Variants in C11orf54 observed in about 807,000 individuals in gnomAD.
C11orf54 encodes beta-keto-L-gulonate decarboxylase, also known as beta-keto L-gulonate decarboxylase.
Under a neutral mutation model 35.5 loss-of-function variants are expected in C11orf54, and 29 were observed. That is an observed-to-expected ratio of 0.82 (90% CI 0.61 to 1.11). The LOEUF is 1.11. Among genes scored for constraint, C11orf54 ranks in the 50% most tolerant of loss-of-function variants. The pLI, the probability that C11orf54 is intolerant of heterozygous loss-of-function variation, is 0.00. For synonymous variants in C11orf54, 108 were observed against 121.1 expected, an observed-to-expected ratio of 0.89 and a Z score of 0.71; for missense variants, 373 against 369.2, an observed-to-expected ratio of 1.01 and a Z score of -0.08.
At chr11:93,755,166 T>G (rs776031530) in intron 5 of C11orf54, 44 bp from the exon 6 acceptor site, 11 of 1,567,538 alleles carry the variant, frequency 7.0e-6, no homozygotes, top group Non-Finnish European at 7.0e-6. Flanking sequence ...ATATTCTCTT[T>G]GCAGAGATAC....
rs74467462 is a variant in C11orf54, at chr11:93,761,989, A to G, written c.*301A>G. 1,139 of 172,960 alleles carry G rather than the reference A, an allele frequency of 6.6e-3. 52 individuals carry two copies. In the East Asian group the frequency reaches 0.12, roughly 19 times the overall value. The allele number at this position is 172,960 out of a possible 1,614,324, so 10.7% of individuals were successfully genotyped here. A position where few individuals can be genotyped will look rare whatever the true frequency, so the allele number is the denominator to read the frequency against. ...TCATATGAAAGAACATATTGATAGTATATTCTATATTATTTCATAGATCTG... is the reference window on the plus strand; with the variant it reads ...TCATATGAAAGAACATATTGATAGTGTATTCTATATTATTTCATAGATCTG... On this transcript the variant is annotated 3_prime_UTR_variant, in exon 9 of 9. Coordinates refer to ENST00000354421, the MANE Select transcript of C11orf54 (RefSeq NM_001286069.2).
intron 2 of C11orf54, among the ~76,000 whole-genome samples, 178 bp from the exon 3 acceptor site, chr11:93,750,168 G>A (rs962076291): frequency 6.6e-6 from 1 of 152,112 alleles, no homozygotes; most frequent in African/African-American, 2.4e-5. Flanking sequence ...CTTAGTCTAC[G>A]TTGTATCTTG....
At position 93,759,806 on chromosome 11, in the gene C11orf54, AT is replaced by A; in HGVS notation, c.723del (p.Tyr241Ter). 6.2e-7 allele frequency: 1 copy of A among 1,611,140 alleles called. No homozygotes were observed. Among genetic ancestry groups the A allele is most frequent in the Non-Finnish European group, 8.5e-7 (1 of 1,178,072 alleles). Reference sequence around the variant, plus strand: ...GAAGTGAATAAATGGTTGCATTTTTATGAAATGAAAGCTCCTTTGGTTTGTC... The same window carrying A: ...GAAGTGAATAAATGGTTGCATTTTTAGAAATGAAAGCTCCTTTGGTTTGTC... ...DEEVNKWLHF[Y>X]EMKAPLVCLP... On this transcript the variant is annotated frameshift_variant, in exon 8 of 9. Transcript: ENST00000354421. LOFTEE classifies it high-confidence loss of function.
intron 2 of C11orf54, among the ~76,000 whole-genome samples, chr11:93,749,392 G>A (rs1159390911): frequency 4.0e-5 from 6 of 150,058 alleles, no homozygotes; most frequent in African/African-American, 1.2e-4. Context: ...TGAGGTGGGA[G>A]GATTACTTGA....
At chr11:93,755,491 C>T (rs1055433391) in intron 6 of C11orf54, 105 bp downstream of exon 6, 12 of 1,338,254 alleles carry the variant, frequency 9.0e-6, no homozygotes, top group Middle Eastern at 2.4e-4. Context: ...AATTAGTTTC[C>T]CACTTTGGGA....
intron 6 of C11orf54, among the ~76,000 whole-genome samples, chr11:93,756,268 G>C (rs547311898): frequency 6.7e-6 from 1 of 148,218 alleles, no homozygotes; most frequent in Non-Finnish European, 1.5e-5. Flanking sequence ...ATCACTTAAG[G>C]CTGGCAGTTT....
intron 6 of C11orf54, among the ~76,000 whole-genome samples, chr11:93,756,723 AC>A (rs1231178851): frequency 6.6e-6 from 1 of 152,180 alleles, no homozygotes; most frequent in Non-Finnish European, 1.5e-5. Context: ...AGTAAGGAAA[AC>A]TAATGCCTTA....
intron 6 of C11orf54, 81 bp downstream of exon 6, chr11:93,755,467 G>T: frequency 6.8e-7 from 1 of 1,468,098 alleles, no homozygotes; most frequent in South Asian, 1.3e-5. Context: ...CCATAAATAT[G>T]GTTTTGCTAA....
chr11:93,750,376 C>T lies in C11orf54; in HGVS notation c.86C>T (p.Ala29Val), dbSNP rs1942751344. 1 of 1,613,706 alleles carries T rather than the reference C, an allele frequency of 6.2e-7. No individual in the cohort carries two copies. The highest frequency in any genetic ancestry group is 2.2e-5 in the East Asian group (1 of 44,814). The change falls in exon 3 of 9, where the codon GCT becomes GTT. Residue 29 changes from alanine (A) to valine (V), a missense_variant. By Grantham distance (64) the Ala-to-Val change is moderately conservative. Coordinates refer to ENST00000354421, the MANE Select transcript of C11orf54 (RefSeq NM_001286069.2). ...VMQKGLKDNF[A>V]DVQVSVVDCP... is the part of the protein sequence containing the mutation. ...CAGAAGGGGTTAAAAGATAACTTTGCTGATGTCCAGGTCTCTGTAGTTGAT... is the reference window on the plus strand; with the variant it reads ...CAGAAGGGGTTAAAAGATAACTTTGTTGATGTCCAGGTCTCTGTAGTTGAT...
chr11:93,750,467 T>G (rs1942757870), intron 3 of C11orf54, 23 bp downstream of exon 3: 1 of 1,543,774 alleles, frequency 6.5e-7, no homozygotes. Flanking sequence ...TGCAATTAGC[T>G]TTTGTTTTTT....
Position 93,761,817 on chromosome 11 carries a change from C to A in C11orf54, c.*129C>A. On this transcript the variant is annotated 3_prime_UTR_variant, in exon 9 of 9. Transcript: ENST00000354421. ...AGGCACAATGGCTCATGCCTATAAT[C>A]CCAGCACTTTGGGAGGCTGAGGCAG... is the stretch of plus-strand genomic sequence containing the variant. 1.1e-6 allele frequency: 1 copy of A among 906,528 alleles called. No homozygotes were observed. The highest frequency in any genetic ancestry group is 1.5e-6 in the Non-Finnish European group (1 of 666,308). 56.2% of individuals were successfully genotyped at this position (906,528 alleles called of 1,614,324 possible). A position where few individuals can be genotyped will look rare whatever the true frequency, so the allele number is the denominator to read the frequency against.
chr11:93,752,451 C>T (rs1209448079), intron 3 of C11orf54, among the ~76,000 whole-genome samples: 1 of 152,108 alleles, frequency 6.6e-6, no homozygotes, highest in Non-Finnish European at 1.5e-5. Context: ...AACCTCTCCA[C>T]GTATTTCATA....
chr11:93,749,146 A>C (rs1942662178), intron 2 of C11orf54, among the ~76,000 whole-genome samples: 1 of 149,870 alleles, frequency 6.7e-6, no homozygotes, highest in Non-Finnish European at 1.5e-5. Flanking sequence ...TCCATCTCAA[A>C]AAAAAAAAAA....
chr11:93,764,592 C>G lies in C11orf54; in HGVS notation c.*2904C>G, dbSNP rs1408620556. 1 of 152,112 alleles carries G rather than the reference C, an allele frequency of 6.6e-6. No homozygotes were observed. Among genetic ancestry groups the G allele is most frequent in the African/African-American group, 2.4e-5 (1 of 41,412 alleles). The allele number at this position is 152,112 out of a possible 1,614,324, so 9.4% of individuals were successfully genotyped here. A position where few individuals can be genotyped will look rare whatever the true frequency, so the allele number is the denominator to read the frequency against. On this transcript the variant is annotated 3_prime_UTR_variant, in exon 9 of 9. Coordinates refer to ENST00000354421, the MANE Select transcript of C11orf54 (RefSeq NM_001286069.2). ...AGAGATGGGGGAAAAGATCAAAATG[C>G]TTTTCTTTTTAAATTTTTTCTTAGT...
intron 3 of C11orf54, among the ~76,000 whole-genome samples, chr11:93,751,939 C>T (rs1030993767): frequency 2.0e-5 from 3 of 149,698 alleles, no homozygotes; most frequent in Non-Finnish European, 3.0e-5. Flanking sequence ...CTCTGCCTCC[C>T]GGGTTCAGGC....
chr11:93,760,560 C>T (rs1020819770), intron 8 of C11orf54, among the ~76,000 whole-genome samples: 2 of 152,092 alleles, frequency 1.3e-5, no homozygotes, highest in Non-Finnish European at 2.9e-5. Context: ...GGTCTCCTGT[C>T]ATCTTGTTTG....
In C11orf54 at chr11:93,747,279, C is replaced by A; in HGVS notation, c.-97-18C>A. 1.4e-6 allele frequency: 1 copy of A among 697,864 alleles called. No homozygotes were observed. The highest frequency in any genetic ancestry group is 2.3e-6 in the Non-Finnish European group (1 of 438,464). 43.2% of individuals were successfully genotyped at this position (697,864 alleles called of 1,614,324 possible). On this transcript the variant is annotated intron_variant, in intron 1 of 8. Transcript: ENST00000354421. ...TTTGTTCTGTTTATATGTTTGAATG[C>A]TCAATGTTCATTTCCAGAACAGAAA...
At chr11:93,751,714 T>A (rs547685056) in intron 3 of C11orf54, among the ~76,000 whole-genome samples, 5 of 151,966 alleles carry the variant, frequency 3.3e-5, no homozygotes, top group South Asian at 4.2e-4. Flanking sequence ...TTGATTTTTT[T>A]AAAAATATGA....
chr11:93,750,291 G>A (rs1023503097), intron 2 of C11orf54, 55 bp from the exon 3 acceptor site: 22 of 1,448,542 alleles, frequency 1.5e-5, no homozygotes, highest in African/African-American at 7.0e-5. Context: ...CTTTTGATAC[G>A]TGGTAGCCAA....
Sources: gnomAD v4.1 joint callset for allele counts (sites outside exome capture counted in the v4.1 genomes callset) on GRCh38, gnomAD v4.1.1 for gene constraint, MANE v1.5 for transcripts, NCBI Gene and HGNC (gene_info 2026-07-23, HGNC 2026-07-21) for gene names.